Variants in PDE1C observed in about 807,000 individuals in gnomAD.
PDE1C encodes the protein phosphodiesterase 1C, also known as dual specificity calcium/calmodulin-dependent 3',5'-cyclic nucleotide phosphodiesterase 1C.
In PDE1C, 62 loss-of-function variants were observed where a neutral mutation model predicts 93.1. The observed-to-expected ratio is 0.67, with a 90% confidence interval of 0.54 to 0.82. The LOEUF is 0.82. Among genes scored for constraint, PDE1C ranks in the 40% least tolerant of loss-of-function variants. PDE1C has a pLI of 0.00. For missense variants in PDE1C, 742 were observed against 884.6 expected, an observed-to-expected ratio of 0.84 and a Z score of 2.04; for synonymous variants, 325 against 310.1, an observed-to-expected ratio of 1.05 and a Z score of -0.50.
chr7:32,119,639 A>T (rs1267676564), intron 3 of PDE1C, among the ~76,000 whole-genome samples: 1 of 152,172 alleles, frequency 6.6e-6, no homozygotes, highest in Non-Finnish European at 1.5e-5. Flanking sequence ...ATCCACAGAG[A>T]GGAAGGAAGA....
the PDE1C span, among the ~76,000 whole-genome samples, chr7:31,669,619 T>TG: frequency 6.6e-6 from 1 of 152,204 alleles, no homozygotes; most frequent in Non-Finnish European, 1.5e-5. Context: ...GTTCTAAATT[T>TG]GGAACAGGAA....
chr7:31,910,976 T>A (rs1298141026), intron 2 of PDE1C, among the ~76,000 whole-genome samples: 1 of 152,224 alleles, frequency 6.6e-6, no homozygotes, highest in Non-Finnish European at 1.5e-5. Flanking sequence ...TAAAACGGAA[T>A]ACTCATGTTG....
chr7:32,395,568 T>C (rs1403337286), intron 1 of PDE1C, among the ~76,000 whole-genome samples: 1 of 152,192 alleles, frequency 6.6e-6, no homozygotes, highest in African/African-American at 2.4e-5. Flanking sequence ...ATCTTCATCC[T>C]ATCAGCAAGC....
intron 1 of PDE1C, among the ~76,000 whole-genome samples, chr7:32,423,797 C>T (rs1438665587): frequency 6.6e-6 from 1 of 152,152 alleles, no homozygotes; most frequent in African/African-American, 2.4e-5. Context: ...GAAATCAGCA[C>T]TTGACACATC....
chr7:31,749,635 A>G (rs1353207390), downstream of PDE1C, among the ~76,000 whole-genome samples: 1 of 152,144 alleles, frequency 6.6e-6, no homozygotes, highest in African/African-American at 2.4e-5. Context: ...TTGGTAGAAG[A>G]AGGGCGAGAA....
intron 14 of PDE1C, among the ~76,000 whole-genome samples, chr7:31,820,146 G>C (rs1309661178): frequency 6.6e-6 from 1 of 151,752 alleles, no homozygotes; most frequent in Non-Finnish European, 1.5e-5. Flanking sequence ...TCAAAAGAAA[G>C]GCCAAATACA....
At chr7:32,425,884 T>C (rs1785518290) in intron 1 of PDE1C, among the ~76,000 whole-genome samples, 1 of 151,934 alleles carries the variant, frequency 6.6e-6, no homozygotes, top group Admixed American at 6.6e-5. Context: ...GAGGCTTCAG[T>C]AAGCTGTGCT....
chr7:32,250,894 G>T (rs1476456188), intron 1 of PDE1C, among the ~76,000 whole-genome samples: 1 of 152,196 alleles, frequency 6.6e-6, no homozygotes, highest in East Asian at 1.9e-4. Context: ...TCCTGTCATG[G>T]GCTTGCATTT....
chr7:31,864,797 A>G, intron 7 of PDE1C, 145 bp downstream of exon 7: 1 of 748,854 alleles, frequency 1.3e-6, no homozygotes, highest in Non-Finnish European at 2.2e-6. Flanking sequence ...GACTTTCCAT[A>G]TTGGTTAGAT....
intron 3 of PDE1C, among the ~76,000 whole-genome samples, chr7:32,120,684 AC>A (rs569369000): frequency 1.5e-4 from 23 of 152,288 alleles, no homozygotes; most frequent in African/African-American, 5.1e-4. Context: ...ACAGAAAGCA[AC>A]AACAACAAAA....
At chr7:31,763,488 A>G (rs1794957353) in intron 17 of PDE1C, among the ~76,000 whole-genome samples, 2 of 152,224 alleles carry the variant, frequency 1.3e-5, no homozygotes, top group African/African-American at 4.8e-5. Flanking sequence ...GGGGCACGTC[A>G]CAGAGCTAAG....
intron 1 of PDE1C, among the ~76,000 whole-genome samples, chr7:32,225,381 T>TAC (rs906709895): frequency 6.6e-6 from 1 of 151,894 alleles, no homozygotes; most frequent in Admixed American, 6.6e-5. Flanking sequence ...CACTCACACA[T>TAC]ACACACACAC....
chr7:31,640,034 C>G, the PDE1C span, among the ~76,000 whole-genome samples: 2 of 152,028 alleles, frequency 1.3e-5, no homozygotes, highest in Non-Finnish European at 2.9e-5. Flanking sequence ...TACTATATTC[C>G]CATAAATATT....
rs1204630246 is a variant in PDE1C at position 32,005,578 on chromosome 7, A to AAAAAAAAAC, written c.128+45975_128+45976insGTTTTTTTT. On this transcript the variant is annotated intron_variant, in intron 2 of 17. Coordinates refer to ENST00000396191, the MANE Select transcript of PDE1C (RefSeq NM_001191057.4). ...TTCAAAAAAAAAAAAAAAAAAAAAAAAAAGAATTGTGATCTGAGAAATCAC... is the reference window on the plus strand; with the variant it reads ...TTCAAAAAAAAAAAAAAAAAAAAAAAAAAAAAAACAAAGAATTGTGATCTGAGAAATCAC... Among the ~76,000 whole-genome samples, 676 of 103,746 alleles carry AAAAAAAAAC rather than the reference A, an allele frequency of 6.5e-3. 113 individuals are homozygous for AAAAAAAAAC. The highest frequency in any genetic ancestry group is 0.026 in the African/African-American group (626 of 23,886). 68.1% of individuals were successfully genotyped at this position (103,746 alleles called of 152,430 possible).
chr7:32,088,915 C>G (rs1056021903), intron 3 of PDE1C, among the ~76,000 whole-genome samples: 1 of 152,210 alleles, frequency 6.6e-6, no homozygotes, highest in Admixed American at 6.5e-5. Flanking sequence ...AGAGAATACC[C>G]TTCTTGCTCT....
chr7:32,069,881 G>T (rs1427617557), intron 1 of PDE1C, among the ~76,000 whole-genome samples: 1 of 152,178 alleles, frequency 6.6e-6, no homozygotes, highest in Non-Finnish European at 1.5e-5. Context: ...TTAACTGTTG[G>T]TAAGTTCTTG....
intron 11 of PDE1C, among the ~76,000 whole-genome samples, chr7:31,836,438 G>T (rs1421334728): frequency 6.6e-6 from 1 of 151,988 alleles, no homozygotes; most frequent in African/African-American, 2.4e-5. Flanking sequence ...GGGTTCAAGC[G>T]ATTCTCCTGC....
chr7:31,706,914 C>T, the PDE1C span, among the ~76,000 whole-genome samples: 1 of 152,170 alleles, frequency 6.6e-6, no homozygotes, highest in Non-Finnish European at 1.5e-5. Context: ...ATTTTCCATC[C>T]CGCCATGCTG....
At chr7:32,220,132 C>G (rs557641196) in intron 1 of PDE1C, among the ~76,000 whole-genome samples, 5 of 151,866 alleles carry the variant, frequency 3.3e-5, no homozygotes, top group Non-Finnish European at 5.9e-5. Context: ...ATTACCCAGT[C>G]TTGGGTATGT....
Sources: gnomAD v4.1 joint callset for allele counts (sites outside exome capture counted in the v4.1 genomes callset) on GRCh38, gnomAD v4.1.1 for gene constraint, MANE v1.5 for transcripts, NCBI Gene and HGNC (gene_info 2026-07-23, HGNC 2026-07-21) for gene names.